Variants in MAGI1 observed in about 807,000 individuals in gnomAD.
The protein encoded by MAGI1 is membrane associated guanylate kinase, WW and PDZ domain containing 1, also known as membrane-associated guanylate kinase, WW and PDZ domain-containing protein 1.
MAGI1 carries 58 observed loss-of-function variants against 139.9 expected under a neutral mutation model. The ratio of observed to expected loss-of-function variants is 0.41; its 90% CI spans 0.34 to 0.52. The LOEUF is 0.52. Ranked by LOEUF, MAGI1 falls within the 20% of genes least tolerant of loss-of-function variation. MAGI1 has a pLI of 0.12. For synonymous variants in MAGI1, 812 were observed against 737.9 expected (o/e 1.10, Z -1.63); for missense variants, 1,874 against 1,901.6 (o/e 0.99, Z 0.27).
intron 2 of MAGI1, among the ~76,000 whole-genome samples, chr3:65,511,311 CT>C (rs1576113710): frequency 6.7e-6 from 1 of 148,992 alleles, no homozygotes; most frequent in Admixed American, 6.7e-5. Context: ...ACAATATTAA[CT>C]TTAAATGTAA....
At position 65,356,414 on chromosome 3, in the gene MAGI1, T is replaced by G. The variant is rs774802749; in HGVS notation, c.4353A>C (p.Arg1451=). Residue 1451 remains arginine, a synonymous_variant, in exon 23 of 23, where the codon CGA becomes CGC. Coordinates refer to ENST00000402939, the MANE Select transcript of MAGI1 (RefSeq NM_001033057.2). ...SSRHPPEQRR[R]PYKECSTDLS... The stretch of plus-strand genomic sequence containing the variant: ...GGTCGGTGCTACATTCTTTGTAAGG[T>G]CGCCTTCTCTGCTCCGGGGGATGTC... The G allele has an allele frequency of 6.2e-7, 1 of 1,604,768 alleles. No homozygotes were observed. Among genetic ancestry groups the G allele is most frequent in the Non-Finnish European group, 8.5e-7 (1 of 1,177,206 alleles).
intron 2 of MAGI1, among the ~76,000 whole-genome samples, chr3:65,606,448 C>T (rs1197948085): frequency 2.0e-5 from 3 of 152,118 alleles, no homozygotes; most frequent in African/African-American, 7.2e-5. Context: ...TCAAGCAATC[C>T]TCCCACCTTA....
chr3:66,019,160 G>A (rs1287389441), intron 1 of MAGI1, among the ~76,000 whole-genome samples: 1 of 152,218 alleles, frequency 6.6e-6, no homozygotes, highest in Non-Finnish European at 1.5e-5. Flanking sequence ...GCTAACTTCA[G>A]ATGGTGATGA....
intron 1 of MAGI1, among the ~76,000 whole-genome samples, chr3:65,625,018 A>G (rs997324923): frequency 1.3e-5 from 2 of 152,166 alleles, no homozygotes; most frequent in African/African-American, 4.8e-5. Context: ...GATTACAGGC[A>G]TCTTCCACCA....
intron 1 of MAGI1, among the ~76,000 whole-genome samples, chr3:65,675,209 A>T (rs2087113401): frequency 6.6e-6 from 1 of 152,324 alleles, no homozygotes. Flanking sequence ...TACGTGGGTG[A>T]TGGAAGGGTG....
In MAGI1 at chr3:65,765,534, A is replaced by G. The variant is rs114014297; in HGVS notation, c.314-143446T>C. ...GTCATTTATCCAAAGTCGTTTAGCT[A>G]GAGAGTTGGAAGAGTCAGGATTCGG... On this transcript the variant is annotated intron_variant, in intron 1 of 22. Coordinates refer to ENST00000402939, the MANE Select transcript of MAGI1 (RefSeq NM_001033057.2). Among the ~76,000 whole-genome samples, 973 of 152,342 alleles carry G rather than the reference A, an allele frequency of 6.4e-3. 1 individual carries two copies. The highest frequency in any genetic ancestry group is 0.01 in the Middle Eastern group (3 of 294).
chr3:65,999,794 T>C (rs766065397), intron 1 of MAGI1, among the ~76,000 whole-genome samples: 26 of 151,950 alleles, frequency 1.7e-4, no homozygotes, highest in Non-Finnish European at 2.8e-4. Context: ...GAAGTCTGTG[T>C]TCCCCAATTG....
chr3:65,748,617 TA>T (rs990690395), intron 1 of MAGI1, among the ~76,000 whole-genome samples: 3 of 152,218 alleles, frequency 2.0e-5, no homozygotes, highest in Admixed American at 2.0e-4. Context: ...ATTAAACACC[TA>T]CTGTGTGCCA....
At chr3:65,696,162 C>T (rs1008283268) in intron 1 of MAGI1, among the ~76,000 whole-genome samples, 6 of 152,138 alleles carry the variant, frequency 3.9e-5, no homozygotes, top group African/African-American at 1.4e-4. Flanking sequence ...CATTTTCCTC[C>T]ATCAGAAACA....
intron 1 of MAGI1, among the ~76,000 whole-genome samples, chr3:65,876,108 G>C (rs2060106195): frequency 6.6e-6 from 1 of 151,116 alleles, no homozygotes; most frequent in Non-Finnish European, 1.5e-5. Context: ...TTAGAGATGA[G>C]GATGAAGAAA....
At chr3:66,016,023 G>A (rs2067619377) in intron 1 of MAGI1, among the ~76,000 whole-genome samples, 1 of 152,044 alleles carries the variant, frequency 6.6e-6, no homozygotes, top group South Asian at 2.1e-4. Flanking sequence ...AACAAATTCA[G>A]CTCTATAAAA....
intron 12 of MAGI1, among the ~76,000 whole-genome samples, chr3:65,411,093 T>C (rs957163687): frequency 2.6e-5 from 4 of 152,198 alleles, no homozygotes; most frequent in African/African-American, 9.6e-5. Flanking sequence ...ACGAGGTCAA[T>C]CTTTCTACCC....
chr3:65,435,158 TATGGCAAC>T (rs1402152177), intron 10 of MAGI1, among the ~76,000 whole-genome samples: 1 of 152,150 alleles, frequency 6.6e-6, no homozygotes, highest in Admixed American at 6.5e-5. Context: ...CCACCTAGTC[TATGGCAAC>T]TTGTTATAGC....
At chr3:65,455,333 C>G (rs1288879152) in intron 5 of MAGI1, among the ~76,000 whole-genome samples, 3 of 152,110 alleles carry the variant, frequency 2.0e-5, no homozygotes, top group African/African-American at 7.2e-5. Flanking sequence ...AACTGGTTAC[C>G]TTCCAACCAT....
intron 1 of MAGI1, among the ~76,000 whole-genome samples, chr3:65,988,584 G>A (rs2066004174): frequency 6.6e-6 from 1 of 152,154 alleles, no homozygotes; most frequent in Admixed American, 6.5e-5. Flanking sequence ...TACAGTGAAA[G>A]GGAGTCTAAC....
chr3:65,716,281 A>G (rs1467721730), intron 1 of MAGI1, among the ~76,000 whole-genome samples: 1 of 152,214 alleles, frequency 6.6e-6, no homozygotes, highest in Non-Finnish European at 1.5e-5. Flanking sequence ...TGTAATCCCA[A>G]AGGGATTTGT....
intron 1 of MAGI1, among the ~76,000 whole-genome samples, chr3:65,861,035 A>C (rs2059538948): frequency 6.6e-6 from 1 of 152,208 alleles, no homozygotes. Context: ...TCTTATTTTC[A>C]GCAGCATCTC....
intron 1 of MAGI1, among the ~76,000 whole-genome samples, chr3:65,664,560 C>G (rs1177537118): frequency 6.6e-6 from 1 of 152,172 alleles, no homozygotes; most frequent in Non-Finnish European, 1.5e-5. Flanking sequence ...GTTTCTCATT[C>G]CAGTTTCTGT....
intron 1 of MAGI1, among the ~76,000 whole-genome samples, chr3:65,960,644 G>A (rs2064378222): frequency 6.6e-6 from 1 of 152,178 alleles, no homozygotes; most frequent in South Asian, 2.1e-4. Flanking sequence ...TAATCAGAGA[G>A]GAGAAAGTCA....
Sources: gnomAD v4.1 joint callset for allele counts (sites outside exome capture counted in the v4.1 genomes callset) on GRCh38, gnomAD v4.1.1 for gene constraint, MANE v1.5 for transcripts, NCBI Gene and HGNC (gene_info 2026-07-23, HGNC 2026-07-21) for gene names.